The following ARHGEF10 variants were observed in gnomAD, a reference collection of about 807,000 sequenced individuals.
ARHGEF10 encodes Rho guanine nucleotide exchange factor (GEF) 10.
Under a neutral mutation model 147.4 loss-of-function variants are expected in ARHGEF10, and 140 were observed. That is an observed-to-expected ratio of 0.95 (90% CI 0.83 to 1.09). ARHGEF10 has a LOEUF of 1.09. ARHGEF10 is among the 50% of genes least tolerant of loss of function. ARHGEF10 has a pLI of 0.00. For synonymous variants in ARHGEF10, 902 were observed against 695.8 expected, an observed-to-expected ratio of 1.30 and a Z score of -4.67; for missense variants, 2,222 against 1,752.7, an observed-to-expected ratio of 1.27 and a Z score of -4.78.
intron 2 of ARHGEF10, among the ~76,000 whole-genome samples, chr8:1,844,984 T>C (rs571071521): frequency 5.4e-4 from 82 of 152,218 alleles, no homozygotes; most frequent in South Asian, 1.0e-3. Flanking sequence ...AATGATATGA[T>C]AATAATTAGT....
intron 11 of ARHGEF10, among the ~76,000 whole-genome samples, chr8:1,888,576 GGT>G (rs1449215296): frequency 7.1e-6 from 1 of 141,704 alleles, no homozygotes; most frequent in Non-Finnish European, 1.5e-5. Flanking sequence ...CACTGAGTGG[GGT>G]GTGAGGGGTC....
Position 1,909,400 on chromosome 8 carries a change from G to C in ARHGEF10, c.2073G>C (p.Thr691=), listed in dbSNP as rs148136629. 1.9e-6 allele frequency: 3 copies of C among 1,614,126 alleles called. No homozygotes were observed. Among genetic ancestry groups the C allele is most frequent in the Non-Finnish European group, 2.5e-6 (3 of 1,180,024 alleles). Residue 691 remains threonine, a synonymous_variant, in exon 18 of 29, where the codon ACG becomes ACC. Transcript: ENST00000349830. Reference sequence around the variant, plus strand: ...TCGAGTATGGCAGCAGCGCAGGCACGGGCGAGCACAGCAGGCACCTTGCCG... The same window carrying C: ...TCGAGTATGGCAGCAGCGCAGGCACCGGCGAGCACAGCAGGCACCTTGCCG... The part of the protein sequence containing the change: ...DAIEYGSSAG[T]GEHSRHLAVH...
chr8:1,861,039 G>A lies in ARHGEF10; in HGVS notation c.481+855G>A, dbSNP rs139460108. 7.9e-3 allele frequency among the ~76,000 whole-genome samples: 1,200 copies of A among 152,324 alleles called. 5 individuals carry two copies. Among genetic ancestry groups the A allele is most frequent in the Middle Eastern group, 0.02 (6 of 294 alleles). The stretch of plus-strand genomic sequence containing the variant: ...GGGCTCAGAGTCGGCCACTGAGGAC[G>A]GTGTTCCCTGTAGCCAGGACATGCT... On this transcript the variant is annotated intron_variant, in intron 4 of 28. Coordinates refer to ENST00000349830, the MANE Select transcript of ARHGEF10 (RefSeq NM_014629.4).
intron 27 of ARHGEF10, 83 bp from the exon 28 acceptor site, chr8:1,952,622 G>A: frequency 6.4e-7 from 1 of 1,572,222 alleles, no homozygotes; most frequent in South Asian, 1.1e-5. Flanking sequence ...CGACAGGCCT[G>A]TGGGGTTTCC....
chr8:1,853,059 C>T lies in ARHGEF10; in HGVS notation c.38-4901C>T, dbSNP rs932687778. Among the ~76,000 whole-genome samples the T allele has an allele frequency of 4.4e-5, 5 of 114,628 alleles. No homozygotes were observed. The East Asian group carries it at 5.8e-4, about 13-fold the overall frequency. 75.2% of individuals were successfully genotyped at this position (114,628 alleles called of 152,430 possible). On this transcript the variant is annotated intron_variant, in intron 2 of 28. Coordinates refer to ENST00000349830, the MANE Select transcript of ARHGEF10 (RefSeq NM_014629.4). Reference sequence around the variant, plus strand: ...AGGTTAGATTTGGGCCGGGCGCTGGCGGGTGGTTAGATTTGGGCCGGGCAC... The same window carrying T: ...AGGTTAGATTTGGGCCGGGCGCTGGTGGGTGGTTAGATTTGGGCCGGGCAC...
intron 7 of ARHGEF10, among the ~76,000 whole-genome samples, chr8:1,875,249 A>G (rs557782627): frequency 2.0e-4 from 28 of 143,516 alleles, no homozygotes; most frequent in African/African-American, 7.0e-4. Context: ...GACACACACC[A>G]GGGCGTGTAG....
At chr8:1,887,389 T>G (rs1808756966) in intron 11 of ARHGEF10, among the ~76,000 whole-genome samples, 1 of 150,094 alleles carries the variant, frequency 6.7e-6, no homozygotes. Flanking sequence ...GATGCGGGGG[T>G]GAGTGTGAAA....
chr8:1,909,571 A>G, intron 18 of ARHGEF10, 101 bp downstream of exon 18: 1 of 1,496,252 alleles, frequency 6.7e-7, no homozygotes, highest in Non-Finnish European at 9.1e-7. Flanking sequence ...CAGCAGGTTC[A>G]GGGTTTAACA....
chr8:1,879,806 G>A (rs780074750), intron 8 of ARHGEF10, among the ~76,000 whole-genome samples: 6 of 151,960 alleles, frequency 3.9e-5, no homozygotes, highest in African/African-American at 1.2e-4. Flanking sequence ...TCCCACCTCC[G>A]CCTCCTAAAG....
intron 27 of ARHGEF10, 53 bp downstream of exon 27, chr8:1,945,708 G>T (rs542589005): frequency 6.8e-5 from 110 of 1,608,330 alleles, no homozygotes; most frequent in African/African-American, 4.0e-4. Context: ...GGACGGACGT[G>T]GGGGGTGCGG....
chr8:1,896,768 A>C (rs1250791886), intron 14 of ARHGEF10, among the ~76,000 whole-genome samples: 1 of 152,240 alleles, frequency 6.6e-6, no homozygotes, highest in Non-Finnish European at 1.5e-5. Context: ...TTAGGAATCA[A>C]ATAAACTAAA....
intron 14 of ARHGEF10, 63 bp downstream of exon 14, chr8:1,896,512 C>T (rs983173678): frequency 5.2e-6 from 6 of 1,151,988 alleles, no homozygotes; most frequent in Middle Eastern, 2.0e-4. Context: ...CATGTCAAAG[C>T]TTGACTCTGA....
chr8:1,823,972 GGACGGGGTC>G lies in ARHGEF10; in HGVS notation c.-187_-179del, dbSNP rs1465921409. On this transcript the variant is annotated 5_prime_UTR_variant, in exon 1 of 29. Transcript: ENST00000349830. ...AGCCGGCGGGCGCGCGATCCGGGAC[GGACGGGGTC>G]GCGGGGGACGCGGGGGACGCGGGGG... The G allele has an allele frequency of 2.8e-5, 4 of 141,628 alleles. No individual in the cohort carries two copies. The highest frequency in any genetic ancestry group is 5.4e-5 in the African/African-American group (2 of 36,720). 8.8% of individuals were successfully genotyped at this position (141,628 alleles called of 1,614,324 possible).
intron 18 of ARHGEF10, among the ~76,000 whole-genome samples, chr8:1,915,790 C>G (rs979179182): frequency 6.6e-6 from 1 of 152,226 alleles, no homozygotes; most frequent in African/African-American, 2.4e-5. Context: ...AAGAGGGATA[C>G]CCATATTTTC....
intron 8 of ARHGEF10, among the ~76,000 whole-genome samples, chr8:1,878,758 C>T (rs913507286): frequency 1.8e-4 from 27 of 152,170 alleles, no homozygotes; most frequent in African/African-American, 2.2e-4. Flanking sequence ...TGCTTTGGAG[C>T]GGGCCCGTAT....
chr8:1,929,285 G>A lies in ARHGEF10; in HGVS notation c.2922-1G>A. 1 of 1,614,068 alleles carries A rather than the reference G, an allele frequency of 6.2e-7. No homozygotes were observed. The highest frequency in any genetic ancestry group is 8.5e-7 in the Non-Finnish European group (1 of 1,179,956). ...TATTAGCTTGTATTTTTCTCTTAAA[G>A]CATTTCCATTTATAAAAGCAGTCAA... On this transcript the variant is annotated splice_acceptor_variant, in intron 24 of 28. Coordinates refer to ENST00000349830, the MANE Select transcript of ARHGEF10 (RefSeq NM_014629.4). LOFTEE classifies it high-confidence loss of function.
intron 10 of ARHGEF10, among the ~76,000 whole-genome samples, chr8:1,883,595 C>T (rs112443125): frequency 6.6e-6 from 1 of 152,154 alleles, no homozygotes; most frequent in Admixed American, 6.5e-5. Flanking sequence ...CTCTTTCAGT[C>T]CTAATGAAGC....
At chr8:1,830,182 T>C (rs1803005543) in intron 1 of ARHGEF10, among the ~76,000 whole-genome samples, 1 of 152,066 alleles carries the variant, frequency 6.6e-6, no homozygotes, top group African/African-American at 2.4e-5. Context: ...AGGGAGGCTG[T>C]GTGCGCGCAC....
At chr8:1,923,419 C>A (rs780617536) in intron 19 of ARHGEF10, 49 bp from the exon 20 acceptor site, 1 of 1,613,086 alleles carries the variant, frequency 6.2e-7, no homozygotes, top group South Asian at 1.1e-5. Context: ...CTTGGGATGG[C>A]CCTAGTTTTT....
Sources: allele counts gnomAD v4.1 joint callset (sites outside exome capture counted in the v4.1 genomes callset), GRCh38; gene constraint gnomAD v4.1.1; transcripts MANE v1.5; gene names NCBI Gene and HGNC (gene_info 2026-07-23, HGNC 2026-07-21).